The following BCL11A variants were observed in gnomAD, a reference collection of about 807,000 sequenced individuals.
BCL11A encodes the protein BCL11 transcription factor A, also known as B cell CLL/lymphoma 11A.
Under a neutral mutation model 55.9 loss-of-function variants are expected in BCL11A, and 2 were observed. The observed-to-expected ratio is 0.04, with a 90% CI of 0.01 to 0.11. The LOEUF (loss-of-function observed/expected upper bound fraction) is 0.11, where lower values mean the gene tolerates loss of function less well. Ranked by LOEUF, BCL11A falls within the 10% of genes least tolerant of loss-of-function variation. The pLI, the probability that BCL11A is intolerant of heterozygous loss-of-function variation, is 1.00. For missense variants in BCL11A, 817 were observed against 1,137.1 expected (o/e 0.72, Z 4.05); for synonymous variants, 465 against 473.4 (o/e 0.98, Z 0.23).
intron 2 of BCL11A, chr2:60,525,064 A>G (rs549751134): frequency 1.4e-4 from 21 of 152,344 alleles, no homozygotes; most frequent in African/African-American, 4.6e-4. Context: ...GCCTTTAACA[A>G]GCAAAAATTC....
chr2:60,460,871 G>T lies in BCL11A; in HGVS notation c.2041C>A (p.Gln681Lys). 6.2e-7 allele frequency: 1 copy of T among 1,613,226 alleles called. No homozygotes were observed. The highest frequency in any genetic ancestry group is 8.5e-7 in the Non-Finnish European group (1 of 1,180,026). Reference sequence around the variant, plus strand: ...TCCGACGAGGAGGCAAAAGGCGATTGTCTGGAGTCTCCGAAGCTAAGGAAG... The same window carrying T: ...TCCGACGAGGAGGCAAAAGGCGATTTTCTGGAGTCTCCGAAGCTAAGGAAG... The part of the protein sequence containing the change: ...DPFLSFGDSR[Q>K]SPFASSSEHS... The change falls in exon 4 of 4, where the codon CAA becomes AAA. Residue 681 changes from glutamine to lysine, a missense_variant. Transcript: ENST00000642384.
chr2:60,454,102 G>A (rs1047915794), downstream of BCL11A, among the ~76,000 whole-genome samples: 1 of 152,002 alleles, frequency 6.6e-6, no homozygotes, highest in Admixed American at 6.6e-5. Flanking sequence ...CACTGGCCTC[G>A]TGCTGTATGT....
At chr2:60,491,260 T>C (rs1220473206) in intron 2 of BCL11A, among the ~76,000 whole-genome samples, 1 of 152,256 alleles carries the variant, frequency 6.6e-6, no homozygotes, top group Non-Finnish European at 1.5e-5. Context: ...TTCTTAATGC[T>C]GTTTTAAATG....
chr2:60,479,292 T>A (rs1165332686), intron 2 of BCL11A, among the ~76,000 whole-genome samples: 1 of 152,238 alleles, frequency 6.6e-6, no homozygotes, highest in Non-Finnish European at 1.5e-5. Flanking sequence ...ACACCTGGCC[T>A]CTGCGGGCAC....
At chr2:60,501,506 T>C (rs1415481437) in intron 2 of BCL11A, among the ~76,000 whole-genome samples, 2 of 77,252 alleles carry the variant, frequency 2.6e-5, no homozygotes, top group African/African-American at 7.4e-5. Flanking sequence ...CACCGCTTTC[T>C]TTTTTTTTTT....
chr2:60,539,497 T>C (rs373294194), intron 2 of BCL11A, among the ~76,000 whole-genome samples: 25 of 152,282 alleles, frequency 1.6e-4, no homozygotes, highest in African/African-American at 4.6e-4. Context: ...GTTTTAAAAA[T>C]GCATAGGGAG....
At chr2:60,534,676 A>T (rs1024153436) in intron 2 of BCL11A, 12 of 152,382 alleles carry the variant, frequency 7.9e-5, no homozygotes, top group African/African-American at 2.9e-4. Context: ...GTAATTACTC[A>T]AGGTTAGACT....
In BCL11A at chr2:60,491,628, G is replaced by T. The variant is rs547934734; in HGVS notation, c.386-22795C>A. Among the ~76,000 whole-genome samples, 22 of 150,906 alleles carry T rather than the reference G, an allele frequency of 1.5e-4. No individual in the cohort carries two copies. In the South Asian group the frequency reaches 4.2e-3, roughly 29 times the overall value. ...AGAAGATGCAGTGAGCCGAGATCGC[G>T]CCATTGCATTCCAGCCCGGGCAACA... is the stretch of plus-strand genomic sequence containing the variant. On this transcript the variant is annotated intron_variant, in intron 2 of 3. Coordinates refer to ENST00000642384, the MANE Select transcript of BCL11A (RefSeq NM_022893.4).
At chr2:60,484,677 G>C (rs1572991053) in intron 2 of BCL11A, among the ~76,000 whole-genome samples, 1 of 151,896 alleles carries the variant, frequency 6.6e-6, no homozygotes, top group Non-Finnish European at 1.5e-5. Context: ...AGAGAAGGGG[G>C]AATTTGGAGG....
intron 2 of BCL11A, among the ~76,000 whole-genome samples, chr2:60,481,151 G>A (rs1677930963): frequency 6.6e-6 from 1 of 152,058 alleles, no homozygotes; most frequent in South Asian, 2.1e-4. Context: ...AGAAGGCAAA[G>A]CCCTGCTGTG....
chr2:60,461,562 G>A lies in BCL11A; in HGVS notation c.1350C>T (p.Pro450=), dbSNP rs1021155995. The change falls in exon 4 of 4, where the codon CCC becomes CCT. Residue 450 remains proline, a synonymous_variant. Transcript: ENST00000642384. ...DGLSTASSPE[P]GTSDLVGSAS... ...CGCTGCCCACCAAGTCGCTGGTGCC[G>A]GGTTCCGGGGAGCTGGCGGTGGAGA... 3.1e-6 allele frequency: 5 copies of A among 1,611,748 alleles called. No individual in the cohort carries two copies. The highest frequency in any genetic ancestry group is 1.1e-5 in the South Asian group (1 of 91,082).
chr2:60,553,275 G>A lies in BCL11A; in HGVS notation c.-5C>T, dbSNP rs1336316096. ...GCCTTGCTTGCGGCGAGACATGGTGGGCTGCGGGGCGGGCGGCGGCGGCGG... is the reference window on the plus strand; with the variant it reads ...GCCTTGCTTGCGGCGAGACATGGTGAGCTGCGGGGCGGGCGGCGGCGGCGG... On this transcript the variant is annotated 5_prime_UTR_variant, in exon 1 of 4. Transcript: ENST00000642384. The A allele has an allele frequency of 1.3e-6, 2 of 1,575,910 alleles. No individual in the cohort carries two copies. The highest frequency in any genetic ancestry group is 2.8e-5 in the African/African-American group (2 of 71,874).
chr2:60,545,859 G>A, intron 2 of BCL11A, 112 bp downstream of exon 2: 1 of 836,946 alleles, frequency 1.2e-6, no homozygotes, highest in Non-Finnish European at 1.9e-6. Flanking sequence ...GTCATGGACA[G>A]TCACATAGAG....
Position 60,461,306 on chromosome 2 carries a change from C to T in BCL11A, c.1606G>A (p.Val536Met). The T allele has an allele frequency of 6.2e-7, 1 of 1,600,312 alleles. No individual in the cohort carries two copies. The highest frequency in any genetic ancestry group is 8.5e-7 in the Non-Finnish European group (1 of 1,177,942). The change falls in exon 4 of 4, where the codon GTG (valine) becomes ATG (methionine). Residue 536 changes from valine to methionine, a missense_variant. By Grantham distance (21) the Val-to-Met change is conservative. Transcript: ENST00000642384. ...GGCAGGGCGCGGCTCTCGTCGCCCA[C>T]GCCCACGACCGCGCCCCGCGAGCTG... The part of the protein sequence containing the change: ...ENSSRGAVVG[V>M]GDESRALPDV...
At chr2:60,457,050 T>C (rs563614376), downstream of BCL11A, 31 of 161,930 alleles carry the variant, frequency 1.9e-4, no homozygotes, top group African/African-American at 6.2e-4. Flanking sequence ...AAGTACTTTA[T>C]GTTCCTTTAG....
intron 2 of BCL11A, among the ~76,000 whole-genome samples, chr2:60,532,141 T>C (rs1573070594): frequency 6.6e-6 from 1 of 152,256 alleles, no homozygotes; most frequent in South Asian, 2.1e-4. Context: ...GGAAGAAATT[T>C]GCATTTTCTT....
chr2:60,469,403 C>G (rs1177976295), intron 2 of BCL11A, among the ~76,000 whole-genome samples: 1 of 152,202 alleles, frequency 6.6e-6, no homozygotes, highest in Non-Finnish European at 1.5e-5. Context: ...TAGGGGAAAC[C>G]TGGGCATTTC....
chr2:60,450,934 G>A (rs529626143), downstream of BCL11A: 4 of 160,614 alleles, frequency 2.5e-5, no homozygotes, highest in South Asian at 8.1e-4. Context: ...CACAGGAAAA[G>A]ATACTCCCTT....
chr2:60,465,855 C>G (rs1676573237), intron 3 of BCL11A, among the ~76,000 whole-genome samples: 1 of 152,188 alleles, frequency 6.6e-6, no homozygotes, highest in Admixed American at 6.5e-5. Context: ...AACCACATTA[C>G]ACACCCCGAA....
Sources: gnomAD v4.1 joint callset for allele counts (sites outside exome capture counted in the v4.1 genomes callset) on GRCh38, gnomAD v4.1.1 for gene constraint, MANE v1.5 for transcripts, NCBI Gene and HGNC (gene_info 2026-07-23, HGNC 2026-07-21) for gene names.